The following ZNF536 variants were observed in gnomAD, a reference collection of about 807,000 sequenced individuals.
ZNF536 encodes zinc finger protein 536.
A neutral mutation model predicts 84.5 loss-of-function variants in ZNF536; 13 were observed. The observed-to-expected ratio is 0.15, with a 90% CI of 0.10 to 0.24. ZNF536 has a LOEUF of 0.24. Among genes scored for constraint, ZNF536 ranks in the 10% least tolerant of loss-of-function variants. The pLI is 1.00. For synonymous variants in ZNF536, 811 were observed against 742.5 expected (o/e 1.09, Z -1.50); for missense variants, 1,536 against 1,747.5 (o/e 0.88, Z 2.16).
chr19:30,516,664 C>T (rs140368677), intron 2 of ZNF536, among the ~76,000 whole-genome samples: 11 of 152,250 alleles, frequency 7.2e-5, no homozygotes, highest in East Asian at 1.9e-4. Flanking sequence ...GGCAAACCCA[C>T]GGGGTACTCT....
chr19:30,702,273 G>A (rs952220737), intron 1 of ZNF536, among the ~76,000 whole-genome samples: 1 of 152,108 alleles, frequency 6.6e-6, no homozygotes, highest in Non-Finnish European at 1.5e-5. Flanking sequence ...TTGACCCTCC[G>A]CACTGTATAC....
intron 1 of ZNF536, among the ~76,000 whole-genome samples, chr19:30,572,030 T>C (rs2046566320): frequency 6.6e-6 from 1 of 152,166 alleles, no homozygotes; most frequent in Non-Finnish European, 1.5e-5. Context: ...CCTGCAGCTT[T>C]GGGGCATCTT....
chr19:30,646,641 G>T (rs2049481491), intron 1 of ZNF536, among the ~76,000 whole-genome samples: 1 of 152,130 alleles, frequency 6.6e-6, no homozygotes, highest in African/African-American at 2.4e-5. Flanking sequence ...ACCTTTATTT[G>T]TGTTAATTAC....
intron 2 of ZNF536, among the ~76,000 whole-genome samples, chr19:30,326,299 G>A (rs541878432): frequency 2.7e-4 from 41 of 152,354 alleles, no homozygotes; most frequent in Admixed American, 2.2e-3. Flanking sequence ...ATCCTTGGGA[G>A]TCTGCCCCAC....
At chr19:30,576,230 G>A (rs1208438946) in intron 1 of ZNF536, among the ~76,000 whole-genome samples, 3 of 152,186 alleles carry the variant, frequency 2.0e-5, no homozygotes, top group Non-Finnish European at 2.9e-5. Context: ...TGGGTGGGAA[G>A]GTAGGAGGCC....
chr19:30,544,425 T>C (rs927967376), intron 3 of ZNF536, among the ~76,000 whole-genome samples: 1 of 152,196 alleles, frequency 6.6e-6, no homozygotes, highest in African/African-American at 2.4e-5. Flanking sequence ...TTCTTGTTTC[T>C]CAGCTCTGGC....
rs139716227 is a variant in ZNF536 at position 30,462,010 on chromosome 19, C to T, written c.2170+16278C>T. Among the ~76,000 whole-genome samples the T allele has an allele frequency of 4.2e-3, 637 of 152,314 alleles. 7 individuals are homozygous for T. Among genetic ancestry groups the T allele is most frequent in the African/African-American group, 0.012 (484 of 41,566 alleles). ...GAGAAGAAGGAGATCTCTAATCCTC[C>T]GGCCTGGTCAGGGCAGTCCATGGGG... On this transcript the variant is annotated intron_variant, in intron 2 of 4. Coordinates refer to ENST00000355537, the MANE Select transcript of ZNF536 (RefSeq NM_014717.3).
intron 2 of ZNF536, among the ~76,000 whole-genome samples, chr19:30,529,601 G>T (rs1430199863): frequency 6.6e-6 from 1 of 152,202 alleles, no homozygotes; most frequent in African/African-American, 2.4e-5. Context: ...CGGAGGATAA[G>T]AACAAGCGAA....
chr19:30,541,384 C>T (rs923824675), intron 3 of ZNF536, among the ~76,000 whole-genome samples: 3 of 149,618 alleles, frequency 2.0e-5, no homozygotes, highest in Admixed American at 6.6e-5. Context: ...GGACCAACCA[C>T]CTGAGTAATG....
intron 2 of ZNF536, among the ~76,000 whole-genome samples, chr19:30,330,426 G>A (rs2047172825): frequency 6.6e-6 from 1 of 152,160 alleles, no homozygotes; most frequent in African/African-American, 2.4e-5. Context: ...GAGAAACTTT[G>A]CAGTTTTCTG....
rs558412214 is a variant in ZNF536, at chr19:30,615,008, G to A, written c.169+65494G>A. Among the ~76,000 whole-genome samples the A allele has an allele frequency of 6.3e-4, 70 of 111,386 alleles. 1 individual carries two copies. The South Asian group carries it at 0.024, about 38-fold the overall frequency. The allele number at this position is 111,386 out of a possible 152,430, so 73.1% of individuals were successfully genotyped here. A position where few individuals can be genotyped will look rare whatever the true frequency, so the allele number is the denominator to read the frequency against. On this transcript the variant is annotated intron_variant, in intron 1 of 1. Coordinates refer to the ZNF536 transcript ENST00000592773. ...GTCGCCCAGGCTGGAGTGCAGTGGC[G>A]CGATCTCGACTCACTGCAAGCTCCG...
chr19:30,232,373 C>G (rs935871265), intron 1 of ZNF536, among the ~76,000 whole-genome samples: 1 of 152,142 alleles, frequency 6.6e-6, no homozygotes, highest in Non-Finnish European at 1.5e-5. Context: ...GGGTACAATG[C>G]ATCCCGTCAC....
intron 2 of ZNF536, among the ~76,000 whole-genome samples, chr19:30,454,068 CT>C (rs1158238796): frequency 1.3e-5 from 2 of 152,268 alleles, no homozygotes; most frequent in African/African-American, 4.8e-5. Context: ...CACCTCCTCA[CT>C]TGCTTCCAAA....
intron 2 of ZNF536, among the ~76,000 whole-genome samples, chr19:30,327,761 T>C (rs2047085519): frequency 6.6e-6 from 1 of 152,176 alleles, no homozygotes; most frequent in African/African-American, 2.4e-5. Flanking sequence ...CACTCTTGGA[T>C]CTCCTAAGAC....
At chr19:30,686,281 T>A (rs1169424520) in intron 1 of ZNF536, among the ~76,000 whole-genome samples, 1 of 152,016 alleles carries the variant, frequency 6.6e-6, no homozygotes, top group East Asian at 1.9e-4. Context: ...CACACTTTTT[T>A]TTTTCTTTTG....
At chr19:30,275,025 T>G (rs1262320208) in intron 1 of ZNF536, among the ~76,000 whole-genome samples, 1 of 152,172 alleles carries the variant, frequency 6.6e-6, no homozygotes, top group Non-Finnish European at 1.5e-5. Context: ...GCGGCCAGAA[T>G]TGTCTTAGTT....
intron 1 of ZNF536, among the ~76,000 whole-genome samples, chr19:30,638,111 T>C (rs1055515508): frequency 6.6e-6 from 1 of 152,184 alleles, no homozygotes; most frequent in Non-Finnish European, 1.5e-5. Flanking sequence ...ATCTGTTGTG[T>C]TGACACTGCT....
In ZNF536 at chr19:30,473,850, G is replaced by A. The variant is rs375392630; in HGVS notation, c.2170+28118G>A. ...GTCTCTCCTCCAGGGATGAATGTTC[G>A]TGAAATCAAACTGACCAGGGTCCAG... On this transcript the variant is annotated intron_variant, in intron 2 of 4. Transcript: ENST00000355537. 6.9e-4 allele frequency among the ~76,000 whole-genome samples: 105 copies of A among 152,254 alleles called. 1 individual carries two copies. In the South Asian group the frequency reaches 0.012, roughly 18 times the overall value.
intron 2 of ZNF536, among the ~76,000 whole-genome samples, chr19:30,285,474 C>T (rs1182241318): frequency 6.6e-6 from 1 of 152,156 alleles, no homozygotes; most frequent in East Asian, 1.9e-4. Flanking sequence ...GTTTCCAGTC[C>T]TTTCTGATGC....
Sources: gnomAD v4.1 joint callset for allele counts (sites outside exome capture counted in the v4.1 genomes callset) on GRCh38, gnomAD v4.1.1 for gene constraint, MANE v1.5 for transcripts, NCBI Gene and HGNC (gene_info 2026-07-23, HGNC 2026-07-21) for gene names.